TENM3: variants seen among roughly 807,000 people sequenced by gnomAD.
The protein encoded by TENM3 is teneurin-3.
Under a neutral mutation model 255.1 loss-of-function variants are expected in TENM3, and 63 were observed. The observed-to-expected ratio is 0.25, with a 90% CI of 0.20 to 0.30. TENM3 has a LOEUF of 0.30. Ranked by LOEUF, TENM3 falls within the 10% of genes least tolerant of loss-of-function variation. The pLI, the probability that TENM3 is intolerant of heterozygous loss-of-function variation, is 1.00. For missense variants in TENM3, 2,929 were observed against 3,461.1 expected (o/e 0.85, Z 3.86); for synonymous variants, 1,306 against 1,322.3 (o/e 0.99, Z 0.27).
intron 1 of TENM3, among the ~76,000 whole-genome samples, chr4:182,298,213 C>T (rs1761618184): frequency 6.6e-6 from 1 of 152,202 alleles, no homozygotes; most frequent in African/African-American, 2.4e-5. Flanking sequence ...CTAAAAGCTG[C>T]ATGAAACCAG....
chr4:181,451,158 G>A, the TENM3 span, among the ~76,000 whole-genome samples: 1 of 152,136 alleles, frequency 6.6e-6, no homozygotes, highest in African/African-American at 2.4e-5. Context: ...TATTGGAGCA[G>A]ACTTAAAGCT....
At chr4:182,424,654 G>A (rs1292512499) in intron 3 of TENM3, among the ~76,000 whole-genome samples, 4 of 152,148 alleles carry the variant, frequency 2.6e-5, no homozygotes, top group Non-Finnish European at 5.9e-5. Context: ...TGCCTAAAAC[G>A]AACTAAATTG....
chr4:182,328,255 G>T (rs1411845512), intron 2 of TENM3, among the ~76,000 whole-genome samples: 1 of 151,972 alleles, frequency 6.6e-6, no homozygotes, highest in Non-Finnish European at 1.5e-5. Context: ...TCACTCTGTC[G>T]CCCAGGCTGG....
rs1452949644 is a variant in TENM3, at chr4:182,563,971, C to T, written c.512-36953C>T. ...ATGTTTCAACTACCACCAGATCCTTCGCTCCTGCCAATCATTCCTGCCCCA... is the reference window on the plus strand; with the variant it reads ...ATGTTTCAACTACCACCAGATCCTTTGCTCCTGCCAATCATTCCTGCCCCA... On this transcript the variant is annotated intron_variant, in intron 3 of 27. Transcript: ENST00000511685. Among the ~76,000 whole-genome samples, 3 of 152,186 alleles carry T rather than the reference C, an allele frequency of 2.0e-5. No homozygotes were observed. In the East Asian group the frequency reaches 5.8e-4, roughly 29 times the overall value.
the TENM3 span, among the ~76,000 whole-genome samples, chr4:181,981,162 A>C: frequency 6.6e-6 from 1 of 151,928 alleles, no homozygotes; most frequent in East Asian, 1.9e-4. Flanking sequence ...CGAGTCCCAA[A>C]TCTTTTCATG....
At chr4:181,939,634 A>G in the TENM3 span, among the ~76,000 whole-genome samples, 1 of 152,212 alleles carries the variant, frequency 6.6e-6, no homozygotes, top group African/African-American at 2.4e-5. Flanking sequence ...TTAGTTTTAA[A>G]AGCTCCAATC....
At chr4:181,455,677 AT>A in the TENM3 span, among the ~76,000 whole-genome samples, 2 of 152,020 alleles carry the variant, frequency 1.3e-5, no homozygotes, top group Non-Finnish European at 2.9e-5. Flanking sequence ...GGAACAAAGC[AT>A]TATCATCTGT....
chr4:182,786,574 A>AGAAAT (rs1278177415), intron 24 of TENM3, among the ~76,000 whole-genome samples: 3 of 150,436 alleles, frequency 2.0e-5, no homozygotes, highest in Non-Finnish European at 4.4e-5. Flanking sequence ...AAAAAAAAAA[A>AGAAAT]GAAATCAGAT....
chr4:181,749,159 T>C, the TENM3 span, among the ~76,000 whole-genome samples: 1 of 152,178 alleles, frequency 6.6e-6, no homozygotes, highest in Non-Finnish European at 1.5e-5. Context: ...CTTTATCCCT[T>C]GTGATTAGGA....
At chr4:181,504,422 C>T in the TENM3 span, among the ~76,000 whole-genome samples, 1 of 152,162 alleles carries the variant, frequency 6.6e-6, no homozygotes, top group East Asian at 1.9e-4. Flanking sequence ...CAGAAGAAAA[C>T]AGGAACTGCT....
chr4:182,685,799 G>T (rs1389092137), intron 11 of TENM3, among the ~76,000 whole-genome samples: 1 of 151,928 alleles, frequency 6.6e-6, no homozygotes, highest in Admixed American at 6.6e-5. Flanking sequence ...AAGCACAATA[G>T]CCCCTTTTTT....
rs1766817969 is a variant in TENM3, at chr4:182,800,075, C to T, written c.7824C>T (p.Arg2608=). The change falls in exon 28 of 28, where the codon CGC becomes CGT. Residue 2608 remains arginine, a synonymous_variant. Transcript: ENST00000511685. ...TCGGCGCGCTGGCGCTGCACGTGCG[C>T]TACGGCATGACCCTGGACGAGGAGA... The part of the protein sequence containing the change: ...MQFGALALHV[R]YGMTLDEEKA... The T allele has an allele frequency of 1.2e-6, 2 of 1,601,322 alleles. No individual in the cohort carries two copies. The highest frequency in any genetic ancestry group is 1.7e-6 in the Non-Finnish European group (2 of 1,174,456).
chr4:182,423,264 T>C (rs1580487719), intron 3 of TENM3, among the ~76,000 whole-genome samples: 1 of 152,168 alleles, frequency 6.6e-6, no homozygotes, highest in Non-Finnish European at 1.5e-5. Flanking sequence ...AATAGGACTT[T>C]AGGAAGAGAG....
the TENM3 span, among the ~76,000 whole-genome samples, chr4:181,545,493 A>C: frequency 6.6e-6 from 1 of 152,296 alleles, no homozygotes; most frequent in South Asian, 2.1e-4. Flanking sequence ...CCCAGAATTT[A>C]TTACTTCTAG....
At chr4:182,189,872 G>A (rs531232060) in intron 1 of TENM3, among the ~76,000 whole-genome samples, 1 of 152,152 alleles carries the variant, frequency 6.6e-6, no homozygotes, top group African/African-American at 2.4e-5. Flanking sequence ...CACCTATTTA[G>A]AGCCAAATTT....
chr4:182,409,984 C>G (rs1382010621), intron 3 of TENM3, among the ~76,000 whole-genome samples: 12 of 151,944 alleles, frequency 7.9e-5, no homozygotes, highest in Admixed American at 5.9e-4. Context: ...AGCCATCATG[C>G]CTGGCTAATT....
chr4:181,833,413 T>C, the TENM3 span, among the ~76,000 whole-genome samples: 1 of 152,072 alleles, frequency 6.6e-6, no homozygotes, highest in African/African-American at 2.4e-5. Context: ...CTCCAACCTC[T>C]CCATGTTATC....
chr4:181,777,161 T>C, the TENM3 span, among the ~76,000 whole-genome samples: 1 of 152,126 alleles, frequency 6.6e-6, no homozygotes, highest in Non-Finnish European at 1.5e-5. Flanking sequence ...TATCCAGTTT[T>C]CCTAGCATTA....
chr4:182,484,219 G>A (rs562761587), intron 3 of TENM3, among the ~76,000 whole-genome samples: 2 of 152,172 alleles, frequency 1.3e-5, no homozygotes, highest in South Asian at 2.1e-4. Context: ...GATAAAATAG[G>A]TACTATTTTT....
Sources: gnomAD v4.1 joint callset for allele counts (sites outside exome capture counted in the v4.1 genomes callset) on GRCh38, gnomAD v4.1.1 for gene constraint, MANE v1.5 for transcripts, NCBI Gene and HGNC (gene_info 2026-07-23, HGNC 2026-07-21) for gene names.